Variants in FGD6 observed in about 807,000 individuals in gnomAD.
FGD6 encodes FYVE, RhoGEF and PH domain-containing protein 6.
A neutral mutation model predicts 149.4 loss-of-function variants in FGD6; 90 were observed. The ratio of observed to expected loss-of-function variants is 0.60; its 90% CI spans 0.51 to 0.72. The LOEUF (loss-of-function observed/expected upper bound fraction) is 0.72, where lower values mean the gene tolerates loss of function less well. Among genes scored for constraint, FGD6 ranks in the 30% least tolerant of loss-of-function variants. The pLI is 0.00. For synonymous variants in FGD6, 527 were observed against 584.0 expected (o/e 0.90, Z 1.41); for missense variants, 1,437 against 1,684.8 (o/e 0.85, Z 2.57).
intron 2 of FGD6, among the ~76,000 whole-genome samples, chr12:95,201,001 G>C (rs974067889): frequency 6.6e-5 from 10 of 150,744 alleles, no homozygotes; most frequent in African/African-American, 2.4e-4. Flanking sequence ...TAAATAGGCT[G>C]ATATAAACAT....
chr12:95,152,442 A>T (rs904483995), intron 5 of FGD6, among the ~76,000 whole-genome samples: 1 of 152,228 alleles, frequency 6.6e-6, no homozygotes, highest in Non-Finnish European at 1.5e-5. Flanking sequence ...AAAAGGAAAA[A>T]TAGTAAGAAA....
intron 2 of FGD6, among the ~76,000 whole-genome samples, chr12:95,201,135 A>G (rs1455900002): frequency 6.6e-6 from 1 of 152,188 alleles, no homozygotes; most frequent in African/African-American, 2.4e-5. Flanking sequence ...AAAGCTATCA[A>G]ATGTAATATA....
intron 8 of FGD6, among the ~76,000 whole-genome samples, chr12:95,127,660 C>A (rs1291194313): frequency 6.6e-6 from 1 of 152,192 alleles, no homozygotes; most frequent in Non-Finnish European, 1.5e-5. Flanking sequence ...TTAAATATCT[C>A]ATTTTCTACC....
chr12:95,144,276 C>G (rs943763116), intron 5 of FGD6, among the ~76,000 whole-genome samples: 1 of 152,046 alleles, frequency 6.6e-6, no homozygotes. Context: ...ACAATGTTTT[C>G]TTTTAAATTA....
intron 6 of FGD6, among the ~76,000 whole-genome samples, chr12:95,139,408 T>C (rs1444828780): frequency 6.7e-6 from 1 of 149,890 alleles, no homozygotes; most frequent in African/African-American, 2.5e-5. Flanking sequence ...ACCACTGAAC[T>C]CTGGCCTGGG....
rs766816123 is a variant in FGD6, at chr12:95,209,390, T to C, written c.1894A>G (p.Ser632Gly). 7.4e-6 allele frequency: 12 copies of C among 1,613,118 alleles called. No homozygotes were observed. Among genetic ancestry groups the C allele is most frequent in the Admixed American group, 5.0e-5 (3 of 59,896 alleles). The part of the protein sequence containing the change: ...TKKNSFKKLL[S>G]MKLSICFMKS... ...ATGAAACAGATGGACAGTTTCATGCTGAGCAACTTTTTAAAAGAGTTTTTC... is the reference window on the plus strand; with the variant it reads ...ATGAAACAGATGGACAGTTTCATGCCGAGCAACTTTTTAAAAGAGTTTTTC... The change falls in exon 2 of 21, where the codon AGC becomes GGC. Residue 632 changes from serine (S) to glycine (G), a missense_variant. Physicochemically the swap from Ser to Gly is moderately conservative, Grantham distance 56. Transcript: ENST00000343958.
intron 1 of FGD6, among the ~76,000 whole-genome samples, chr12:95,213,486 C>T (rs1369850311): frequency 2.0e-5 from 3 of 152,176 alleles, no homozygotes; most frequent in African/African-American, 7.2e-5. Context: ...ATGTACTTAA[C>T]ACTTCTGAAC....
chr12:95,098,552 AAT>A (rs1474296535), intron 14 of FGD6, among the ~76,000 whole-genome samples: 2 of 152,014 alleles, frequency 1.3e-5, no homozygotes, highest in Non-Finnish European at 2.9e-5. Context: ...CAATTCTCTG[AAT>A]ATGTCATGCC....
chr12:95,077,764 A>G lies in FGD6; in HGVS notation c.*3756T>C, dbSNP rs879194678. ...CTTGAGTAATTGCAGAGTCTTGTTG[A>G]GAGTTAGAGGCAGATTCTGGAGTCT... On this transcript the variant is annotated 3_prime_UTR_variant, in exon 21 of 21. Coordinates refer to ENST00000343958, the MANE Select transcript of FGD6 (RefSeq NM_018351.4). 2 of 152,222 alleles carry G rather than the reference A, an allele frequency of 1.3e-5. No individual in the cohort carries two copies. Among genetic ancestry groups the G allele is most frequent in the East Asian group, 1.9e-4 (1 of 5,200 alleles). The allele number at this position is 152,222 out of a possible 1,614,324, so 9.4% of individuals were successfully genotyped here.
chr12:95,131,108 GT>G (rs59897965), intron 8 of FGD6, among the ~76,000 whole-genome samples: 2,169 of 128,322 alleles, frequency 0.017, 13 homozygotes, highest in African/African-American at 0.042. Context: ...TGGCTAAAGA[GT>G]TTTTTTTTTT....
chr12:95,141,579 G>A, intron 5 of FGD6, 40 bp from the exon 6 acceptor site: 4 of 1,601,682 alleles, frequency 2.5e-6, no homozygotes, highest in Non-Finnish European at 3.4e-6. Flanking sequence ...ACACACACAT[G>A]TAACTTGATA....
Position 95,134,777 on chromosome 12 carries a change from G to A in FGD6, c.3044C>T (p.Pro1015Leu), listed in dbSNP as rs758199905. 32 of 1,613,726 alleles carry A rather than the reference G, an allele frequency of 2.0e-5. No homozygotes were observed. Among genetic ancestry groups the A allele is most frequent in the East Asian group, 2.2e-5 (1 of 44,884 alleles). The part of the protein sequence containing the change: ...NLALKHYLLK[P>L]VQRIPQYRLL... Reference sequence around the variant, plus strand: ...CCTGTACTGGGGGATCCTCTGAACCGGCTTGAGCAGGTAGTGCTTGAGGGC... The same window carrying A: ...CCTGTACTGGGGGATCCTCTGAACCAGCTTGAGCAGGTAGTGCTTGAGGGC... The change falls in exon 8 of 21, where the codon CCG (proline) becomes CTG (leucine). Residue 1015 changes from proline to leucine, a missense_variant. Physicochemically the swap from Pro to Leu is moderately conservative, Grantham distance 98 (BLOSUM62 -3). Coordinates refer to ENST00000343958, the MANE Select transcript of FGD6 (RefSeq NM_018351.4).
chr12:95,181,719 T>C (rs1360332389), intron 2 of FGD6, among the ~76,000 whole-genome samples: 2 of 152,148 alleles, frequency 1.3e-5, no homozygotes, highest in African/African-American at 4.8e-5. Flanking sequence ...TTTGGGAGGC[T>C]GAGGCAGGCA....
intron 14 of FGD6, among the ~76,000 whole-genome samples, chr12:95,100,251 C>T (rs1401729986): frequency 1.3e-5 from 2 of 152,196 alleles, no homozygotes; most frequent in Non-Finnish European, 2.9e-5. Context: ...ACCCCCAGCT[C>T]CTGGACAGGG....
At chr12:95,160,541 C>T (rs1016513182) in intron 3 of FGD6, among the ~76,000 whole-genome samples, 3 of 152,138 alleles carry the variant, frequency 2.0e-5, no homozygotes, top group African/African-American at 7.2e-5. Context: ...GGGTATGAGA[C>T]TTCAGTGATG....
intron 14 of FGD6, among the ~76,000 whole-genome samples, chr12:95,098,786 C>T (rs1430371523): frequency 1.3e-5 from 2 of 152,046 alleles, no homozygotes; most frequent in Admixed American, 6.6e-5. Flanking sequence ...TTAATCACCA[C>T]AATACTTAAT....
rs555317382 is a variant in FGD6, at chr12:95,115,238, C to A, written c.3083-1537G>T. Reference sequence around the variant, plus strand: ...ACAATAAATGCTTACTGAATAAAAACAGTTCACTTACTCATTCAAGACAGA... The same window carrying A: ...ACAATAAATGCTTACTGAATAAAAAAAGTTCACTTACTCATTCAAGACAGA... On this transcript the variant is annotated intron_variant, in intron 8 of 20. Transcript: ENST00000343958. 1.3e-3 allele frequency among the ~76,000 whole-genome samples: 205 copies of A among 152,244 alleles called. 2 individuals are homozygous for A. Among genetic ancestry groups the A allele is most frequent in the African/African-American group, 4.7e-3 (197 of 41,558 alleles).
intron 5 of FGD6, among the ~76,000 whole-genome samples, chr12:95,151,194 A>G (rs1880299628): frequency 6.6e-6 from 1 of 152,204 alleles, no homozygotes; most frequent in Non-Finnish European, 1.5e-5. Context: ...ATTTTCTCAA[A>G]ACACATTAGC....
intron 7 of FGD6, among the ~76,000 whole-genome samples, chr12:95,136,723 A>G (rs1316961393): frequency 6.6e-6 from 1 of 152,246 alleles, no homozygotes; most frequent in East Asian, 1.9e-4. Context: ...AAGTTAAATT[A>G]AAAGTTAAGA....
Sources: allele counts gnomAD v4.1 joint callset (sites outside exome capture counted in the v4.1 genomes callset), GRCh38; gene constraint gnomAD v4.1.1; transcripts MANE v1.5; gene names NCBI Gene and HGNC (gene_info 2026-07-23, HGNC 2026-07-21).